ABHD17C: variants seen among roughly 807,000 people sequenced by gnomAD.
ABHD17C encodes abhydrolase domain containing 17C, depalmitoylase.
A neutral mutation model predicts 27.9 loss-of-function variants in ABHD17C; 11 were observed. The observed-to-expected ratio is 0.39, with a 90% CI of 0.25 to 0.65. ABHD17C has a LOEUF of 0.65. Among genes scored for constraint, ABHD17C ranks in the 30% least tolerant of loss-of-function variants. ABHD17C has a pLI of 0.45. For missense variants in ABHD17C, 280 were observed against 470.2 expected (o/e 0.60, Z 3.74); for synonymous variants, 233 against 209.1 (o/e 1.11, Z -0.98).
intron 1 of ABHD17C, among the ~76,000 whole-genome samples, chr15:80,699,881 T>C (rs1230976709): frequency 6.6e-6 from 1 of 152,180 alleles, no homozygotes; most frequent in South Asian, 2.1e-4. Flanking sequence ...GGAGAGCTCA[T>C]TGAGCATGAT....
At chr15:80,744,081 C>G (rs1179833310) in intron 1 of ABHD17C, among the ~76,000 whole-genome samples, 2 of 152,154 alleles carry the variant, frequency 1.3e-5, no homozygotes, top group East Asian at 3.8e-4. Context: ...ATGTTTCACA[C>G]AAACTTAATT....
At chr15:80,742,152 G>A (rs1432353097) in intron 1 of ABHD17C, among the ~76,000 whole-genome samples, 1 of 152,188 alleles carries the variant, frequency 6.6e-6, no homozygotes, top group Non-Finnish European at 1.5e-5. Context: ...ACATATATAA[G>A]AGGAGATTTT....
chr15:80,714,581 A>C (rs748502347), intron 1 of ABHD17C, among the ~76,000 whole-genome samples: 1 of 152,222 alleles, frequency 6.6e-6, no homozygotes, highest in African/African-American at 2.4e-5. Flanking sequence ...GGGGGTGGAC[A>C]TCTAGAAAAT....
At chr15:80,745,647 G>GT (rs1404202011) in intron 1 of ABHD17C, among the ~76,000 whole-genome samples, 1 of 151,776 alleles carries the variant, frequency 6.6e-6, no homozygotes, top group African/African-American at 2.4e-5. Context: ...GATTACAGGC[G>GT]TGAGCCATCG....
intron 1 of ABHD17C, among the ~76,000 whole-genome samples, chr15:80,713,677 C>T (rs920696599): frequency 2.6e-5 from 4 of 151,898 alleles, no homozygotes; most frequent in Non-Finnish European, 4.4e-5. Context: ...AGCGTGGTGG[C>T]AGGCGCCTGT....
At chr15:80,696,100 C>T (rs1894490816) in intron 1 of ABHD17C, 81 bp downstream of exon 1, 2 of 1,393,590 alleles carry the variant, frequency 1.4e-6, no homozygotes, top group South Asian at 2.6e-5. Flanking sequence ...CTGGGGCGGC[C>T]TGCCAGGAGA....
chr15:80,732,331 G>A (rs1378132522), intron 1 of ABHD17C, among the ~76,000 whole-genome samples: 1 of 152,192 alleles, frequency 6.6e-6, no homozygotes, highest in Non-Finnish European at 1.5e-5. Flanking sequence ...AATTCACTGA[G>A]CTCACCGTGC....
At position 80,695,739 on chromosome 15, in the gene ABHD17C, C is replaced by T. The variant is rs1298658928; in HGVS notation, c.310C>T (p.Leu104=). The T allele has an allele frequency of 4.6e-6, 7 of 1,534,684 alleles. No homozygotes were observed. The Admixed American group carries it at 1.4e-4, about 30-fold the overall frequency. The change falls in exon 1 of 3, where the codon CTG becomes TTG. Residue 104 remains leucine (L), a synonymous_variant. Transcript: ENST00000258884. The surrounding 1 kb of genome is among the most constrained non-coding windows in gnomAD (Gnocchi z 4.3). ...CGACTGGCAGTACTCGCAGCGCGAG[C>T]TGGACGCCGTCGAGGTCTTCTTCTC... is the stretch of plus-strand genomic sequence containing the variant. ...RADWQYSQRE[L]DAVEVFFSRT...
At chr15:80,742,337 C>CG (rs568952919) in intron 1 of ABHD17C, among the ~76,000 whole-genome samples, 1 of 152,040 alleles carries the variant, frequency 6.6e-6, no homozygotes, top group African/African-American at 2.4e-5. Context: ...AGAATCTTGC[C>CG]GGGGGGTGAA....
intron 1 of ABHD17C, among the ~76,000 whole-genome samples, chr15:80,701,498 G>A (rs1217141116): frequency 6.6e-6 from 1 of 151,930 alleles, no homozygotes; most frequent in Non-Finnish European, 1.5e-5. Flanking sequence ...GGCCAACATG[G>A]TGAAACCCCA....
chr15:80,709,973 CATA>C (rs1452619717), intron 1 of ABHD17C, among the ~76,000 whole-genome samples: 1 of 152,124 alleles, frequency 6.6e-6, no homozygotes, highest in African/African-American at 2.4e-5. Context: ...AAACAGTAAT[CATA>C]ATGAGTATGT....
chr15:80,735,959 G>C (rs1042635461), intron 1 of ABHD17C, among the ~76,000 whole-genome samples: 1 of 152,106 alleles, frequency 6.6e-6, no homozygotes, highest in Non-Finnish European at 1.5e-5. Flanking sequence ...GCTGTATTTG[G>C]TATGTTTTCT....
intron 1 of ABHD17C, among the ~76,000 whole-genome samples, chr15:80,744,109 C>A (rs1480598470): frequency 6.6e-6 from 1 of 151,098 alleles, no homozygotes; most frequent in Non-Finnish European, 1.5e-5. Flanking sequence ...TCTTTTTTCC[C>A]CCCTCTGTCT....
intron 1 of ABHD17C, among the ~76,000 whole-genome samples, chr15:80,713,382 T>TTTTTTTTTTTTA (rs1567032390): frequency 1.0e-5 from 1 of 96,044 alleles, no homozygotes; most frequent in African/African-American, 3.2e-5. Context: ...TTTTTTTTTT[T>TTTTTTTTTTTTA]CAAAATCAGC....
chr15:80,718,053 A>G (rs1203328530), intron 1 of ABHD17C, among the ~76,000 whole-genome samples: 6 of 152,172 alleles, frequency 3.9e-5, no homozygotes, highest in African/African-American at 1.4e-4. Context: ...TAGTTAAATA[A>G]AAACAAAACA....
intron 1 of ABHD17C, among the ~76,000 whole-genome samples, chr15:80,748,673 A>C (rs534033234): frequency 6.9e-6 from 1 of 145,654 alleles, no homozygotes; most frequent in African/African-American, 2.5e-5. Context: ...GGTTCCTTCT[A>C]TTTTGTTCCA....
rs1225020559 is a variant in ABHD17C, at chr15:80,754,184, G to T, written c.804G>T (p.Val268=). The part of the protein sequence containing the change: ...IDKISKVTSP[V]LVIHGTEDEV... ...AGATATCTAAAGTCACCTCTCCTGT[G>T]TTGGTCATTCATGGTACAGAGGATG... is the stretch of plus-strand genomic sequence containing the variant. Residue 268 remains valine (V), a synonymous_variant, in exon 3 of 3, where the codon GTG becomes GTT. Transcript: ENST00000258884. 5.6e-6 allele frequency: 9 copies of T among 1,613,902 alleles called. No homozygotes were observed. The highest frequency in any genetic ancestry group is 7.6e-6 in the Non-Finnish European group (9 of 1,179,868).
intron 1 of ABHD17C, among the ~76,000 whole-genome samples, chr15:80,709,585 A>G (rs1414498107): frequency 6.6e-6 from 1 of 151,960 alleles, no homozygotes; most frequent in Non-Finnish European, 1.5e-5. Flanking sequence ...AGACTCGCAC[A>G]TCTGGATCAC....
In ABHD17C at chr15:80,695,466, C is replaced by T. The variant is rs1894478079; in HGVS notation, c.37C>T (p.Leu13=). 3 of 1,379,406 alleles carry T rather than the reference C, an allele frequency of 2.2e-6. No individual in the cohort carries two copies. Among genetic ancestry groups the T allele is most frequent in the Non-Finnish European group, 2.8e-6 (3 of 1,054,610 alleles). The allele number at this position is 1,379,406 out of a possible 1,614,324, so 85.4% of individuals were successfully genotyped here. The change falls in exon 1 of 3, where the codon CTG becomes TTG. Residue 13 remains leucine, a synonymous_variant. Coordinates refer to ENST00000258884, the MANE Select transcript of ABHD17C (RefSeq NM_021214.2). This position sits in a 1 kb window ranked among gnomAD's most constrained non-coding sequence, Gnocchi z 4.3. ...AGGCCCCAGGATGAACGGCTTCTCG[C>T]TGGGTGAGCTGTGCTGGCTCTTCTG... The part of the protein sequence containing the change: ...EPGPRMNGFS[L]GELCWLFCCP...
Sources: gnomAD v4.1 joint callset for allele counts (sites outside exome capture counted in the v4.1 genomes callset) on GRCh38, gnomAD v4.1.1 for gene constraint, Gnocchi (gnomAD v3.1) non-coding constraint, MANE v1.5 for transcripts, NCBI Gene and HGNC (gene_info 2026-07-23, HGNC 2026-07-21) for gene names.